The following PCDHGA11 variants were observed in gnomAD, a reference collection of about 807,000 sequenced individuals.
PCDHGA11 encodes the protein protocadherin gamma subfamily A, 11.
A neutral mutation model predicts 60.4 loss-of-function variants in PCDHGA11; 39 were observed. That is an observed-to-expected ratio of 0.65 (90% CI 0.50 to 0.84). The LOEUF (loss-of-function observed/expected upper bound fraction) is 0.84. PCDHGA11 is among the 40% of genes least tolerant of loss of function. PCDHGA11 has a pLI of 0.00. For missense variants in PCDHGA11, 1,165 were observed against 1,197.7 expected (o/e 0.97, Z 0.40); for synonymous variants, 533 against 510.3 (o/e 1.04, Z -0.60).
chr5:141,444,893 G>T (rs1238224263), intron 1 of PCDHGA11, among the ~76,000 whole-genome samples: 1 of 152,160 alleles, frequency 6.6e-6, no homozygotes, highest in Admixed American at 6.5e-5. Flanking sequence ...TTTTGAATGG[G>T]ATGGCATTGC....
intron 1 of PCDHGA11, among the ~76,000 whole-genome samples, chr5:141,461,391 G>A (rs1310387476): frequency 1.3e-5 from 2 of 152,058 alleles, no homozygotes; most frequent in East Asian, 1.9e-4. Context: ...GATGATTAGC[G>A]ATGTTGAGCA....
Position 141,491,757 on chromosome 5 carries a change from C to G in PCDHGA11, c.2434-3050C>G. ...CTGGGGGCGGCACTGGAGAAGCCGC[C>G]CGTCCTCATAAGGGATTGAACTTGC... On this transcript the variant is annotated intron_variant, in intron 1 of 3. Coordinates refer to ENST00000398587, the MANE Select transcript of PCDHGA11 (RefSeq NM_018914.3). This position sits in a 1 kb window ranked among gnomAD's most constrained non-coding sequence, Gnocchi z 6.9. 1 of 1,580,374 alleles carries G rather than the reference C, an allele frequency of 6.3e-7. No individual in the cohort carries two copies. The highest frequency in any genetic ancestry group is 1.9e-5 in the Admixed American group (1 of 53,534).
At chr5:141,478,719 T>C in intron 1 of PCDHGA11, 1 of 1,543,882 alleles carries the variant, frequency 6.5e-7, no homozygotes, top group South Asian at 1.2e-5. Context: ...GATGGTGGCC[T>C]GCCAGAGTGT....
At chr5:141,430,837 C>G (rs1350348914) in intron 1 of PCDHGA11, 1 of 1,560,074 alleles carries the variant, frequency 6.4e-7, no homozygotes, top group Non-Finnish European at 8.6e-7. Context: ...TGTGGGAGAC[C>G]GGATGCACCC....
At chr5:141,488,594 C>T (rs1398982317) in intron 1 of PCDHGA11, among the ~76,000 whole-genome samples, 3 of 152,164 alleles carry the variant, frequency 2.0e-5, no homozygotes, top group African/African-American at 7.2e-5. Context: ...CAGGGCAAGA[C>T]TTTACAAGGT....
intron 2 of PCDHGA11, among the ~76,000 whole-genome samples, chr5:141,503,456 A>G (rs920770738): frequency 1.3e-5 from 2 of 152,058 alleles, no homozygotes; most frequent in African/African-American, 4.8e-5. Context: ...TTCGCTGGGC[A>G]TGGTGGCATG....
chr5:141,477,002 G>A lies in PCDHGA11; in HGVS notation c.2434-17805G>A, dbSNP rs770390597. On this transcript the variant is annotated intron_variant, in intron 1 of 3. Coordinates refer to ENST00000398587, the MANE Select transcript of PCDHGA11 (RefSeq NM_018914.3). The surrounding 1 kb of genome is among the most constrained non-coding windows in gnomAD (Gnocchi z 4.9). ...CCGCGCCGGCGTGCGGCAACTATTC[G>A]CCTTAGACCTTGTAACCGGGATGCT... 6.2e-7 allele frequency: 1 copy of A among 1,614,102 alleles called. No homozygotes were observed. The highest frequency in any genetic ancestry group is 1.3e-5 in the African/African-American group (1 of 74,952).
intron 1 of PCDHGA11, chr5:141,478,684 T>C: frequency 6.4e-7 from 1 of 1,551,340 alleles, no homozygotes; most frequent in Non-Finnish European, 8.7e-7. Flanking sequence ...TGGCCCTTCC[T>C]AGATCAAAGT....
In PCDHGA11 at chr5:141,421,791, TG is replaced by T. The variant is rs1561796446; in HGVS notation, c.568del (p.Ala190ProfsTer6). On this transcript the variant is annotated frameshift_variant, in exon 1 of 4. Coordinates refer to ENST00000398587, the MANE Select transcript of PCDHGA11 (RefSeq NM_018914.3). LOFTEE classifies it high-confidence loss of function. Reference protein sequence around the residue: ...FSLQLRGRTDGAKNPELVLEG... With the variant: ...FSLQLRGRTDXAKNPELVLEG... ...CCTTGCAACTGCGGGGCAGAACGGATGGGGCCAAGAATCCAGAGCTAGTACT... is the reference window on the plus strand; with the variant it reads ...CCTTGCAACTGCGGGGCAGAACGGATGGGCCAAGAATCCAGAGCTAGTACT... 6.2e-7 allele frequency: 1 copy of T among 1,613,792 alleles called. No homozygotes were observed. Among genetic ancestry groups the T allele is most frequent in the Non-Finnish European group, 8.5e-7 (1 of 1,179,872 alleles).
chr5:141,427,865 G>A, intron 1 of PCDHGA11: 1 of 1,558,148 alleles, frequency 6.4e-7, no homozygotes. Flanking sequence ...GCGCCTTCGA[G>A]CTCACGATGC....
chr5:141,510,568 G>C (rs2099881703), intron 3 of PCDHGA11, among the ~76,000 whole-genome samples: 1 of 152,100 alleles, frequency 6.6e-6, no homozygotes, highest in Non-Finnish European at 1.5e-5. Context: ...CATCTACCAG[G>C]CACTATTTTA....
chr5:141,468,677 T>A (rs545029270), intron 1 of PCDHGA11: 1 of 150,902 alleles, frequency 6.6e-6, no homozygotes, highest in African/African-American at 2.4e-5. Flanking sequence ...CCATCCTGGC[T>A]AACACGGTGA....
chr5:141,486,371 G>T lies in PCDHGA11; in HGVS notation c.2434-8436G>T. 1.9e-6 allele frequency: 3 copies of T among 1,614,138 alleles called. No homozygotes were observed. The highest frequency in any genetic ancestry group is 2.5e-6 in the Non-Finnish European group (3 of 1,180,010). On this transcript the variant is annotated intron_variant, in intron 1 of 3. Coordinates refer to ENST00000398587, the MANE Select transcript of PCDHGA11 (RefSeq NM_018914.3). The surrounding 1 kb of genome is among the most constrained non-coding windows in gnomAD (Gnocchi z 5.0). ...CCACTTGCCATTTGCCCTCAAGTCT[G>T]CCTTCAGGAACCAGTTCTCCCTGGT...
In PCDHGA11 at chr5:141,490,935, G is replaced by A. The variant is rs1371144225; in HGVS notation, c.2434-3872G>A. On this transcript the variant is annotated intron_variant, in intron 1 of 3. Transcript: ENST00000398587. The surrounding 1 kb of genome is among the most constrained non-coding windows in gnomAD (Gnocchi z 5.4). ...AGAATGATAATGCCCCAGCTGTGCTGCACCCACGGCCAGACTGGGAACACT... is the reference window on the plus strand; with the variant it reads ...AGAATGATAATGCCCCAGCTGTGCTACACCCACGGCCAGACTGGGAACACT... 1.9e-6 allele frequency: 3 copies of A among 1,613,638 alleles called. No homozygotes were observed. The highest frequency in any genetic ancestry group is 2.2e-5 in the South Asian group (2 of 91,032).
At chr5:141,430,986 C>T (rs549700048) in intron 1 of PCDHGA11, 3 of 1,613,762 alleles carry the variant, frequency 1.9e-6, no homozygotes, top group East Asian at 2.2e-5. Flanking sequence ...CAGCTTTTCG[C>T]CCTGAATCCG....
chr5:141,476,367 G>C lies in PCDHGA11; in HGVS notation c.2434-18440G>C, dbSNP rs754652710. ...TTCTTTGAGGTGAACCGGGAGACCG[G>C]AGAGATGTTTGTGAACGACCGTCTG... On this transcript the variant is annotated intron_variant, in intron 1 of 3. Transcript: ENST00000398587. This position sits in a 1 kb window ranked among gnomAD's most constrained non-coding sequence, Gnocchi z 7.6. 6.2e-7 allele frequency: 1 copy of C among 1,614,172 alleles called. No homozygotes were observed. Among genetic ancestry groups the C allele is most frequent in the Non-Finnish European group, 8.5e-7 (1 of 1,180,036 alleles).
intron 1 of PCDHGA11, among the ~76,000 whole-genome samples, chr5:141,470,624 A>G (rs1421700811): frequency 6.6e-6 from 1 of 152,220 alleles, no homozygotes; most frequent in Non-Finnish European, 1.5e-5. Flanking sequence ...TCATGCTTAG[A>G]TAGGCCCCCT....
intron 3 of PCDHGA11, among the ~76,000 whole-genome samples, chr5:141,507,856 A>T (rs1200072170): frequency 1.3e-5 from 2 of 151,926 alleles, no homozygotes; most frequent in Non-Finnish European, 2.9e-5. Flanking sequence ...TCTCACTTTC[A>T]CACCCGCTTC....
At chr5:141,427,889 G>C in intron 1 of PCDHGA11, 1 of 1,566,516 alleles carries the variant, frequency 6.4e-7, no homozygotes, top group South Asian at 1.1e-5. Flanking sequence ...CCCACGACCA[G>C]GGCTCGCCCG....
Sources: gnomAD v4.1 joint callset for allele counts (sites outside exome capture counted in the v4.1 genomes callset) on GRCh38, gnomAD v4.1.1 for gene constraint, Gnocchi (gnomAD v3.1) non-coding constraint, MANE v1.5 for transcripts, NCBI Gene and HGNC (gene_info 2026-07-23, HGNC 2026-07-21) for gene names.